Variants in PDE4B observed in about 807,000 individuals in gnomAD.
The protein encoded by PDE4B is 3',5'-cyclic-AMP phosphodiesterase 4B.
PDE4B carries 20 observed loss-of-function variants against 82.2 expected under a neutral mutation model. The observed-to-expected ratio is 0.24, with a 90% CI of 0.17 to 0.35. The LOEUF is 0.35. PDE4B is among the 10% of genes least tolerant of loss of function. The pLI is 1.00. For synonymous variants in PDE4B, 320 were observed against 318.9 expected (o/e 1.00, Z -0.04); for missense variants, 655 against 907.2 (o/e 0.72, Z 3.57).
At chr1:66,088,889 T>C (rs1644954175) in intron 3 of PDE4B, among the ~76,000 whole-genome samples, 1 of 152,126 alleles carries the variant, frequency 6.6e-6, no homozygotes. Flanking sequence ...ATTCATCACA[T>C]CCTTTTTTTC....
chr1:66,299,532 C>G (rs549531467), intron 7 of PDE4B, among the ~76,000 whole-genome samples: 1 of 152,208 alleles, frequency 6.6e-6, no homozygotes, highest in African/African-American at 2.4e-5. Flanking sequence ...ACGTGGGGTG[C>G]AGATATCTCT....
rs779098232 is a variant in PDE4B, at chr1:66,341,765, G to A, written c.747+9145G>A. ...GATTGTTAAGCCTTGGGTTCTCTCTGCCACTTTGCAGAGCTGTTAGCATGG... is the reference window on the plus strand; with the variant it reads ...GATTGTTAAGCCTTGGGTTCTCTCTACCACTTTGCAGAGCTGTTAGCATGG... On this transcript the variant is annotated intron_variant, in intron 8 of 16. Coordinates refer to ENST00000341517, the MANE Select transcript of PDE4B (RefSeq NM_002600.4). Among the ~76,000 whole-genome samples, 3 of 152,160 alleles carry A rather than the reference G, an allele frequency of 2.0e-5. No homozygotes were observed. In the South Asian group the frequency reaches 6.2e-4, roughly 31 times the overall value.
chr1:65,961,138 A>C (rs1490932585), intron 3 of PDE4B, among the ~76,000 whole-genome samples: 1 of 152,184 alleles, frequency 6.6e-6, no homozygotes, highest in Non-Finnish European at 1.5e-5. Flanking sequence ...TTTCATAATA[A>C]TATAGAGAAA....
chr1:65,913,488 G>A, intron 2 of PDE4B, 132 bp downstream of exon 2: 1 of 782,872 alleles, frequency 1.3e-6, no homozygotes, highest in Non-Finnish European at 2.2e-6. Flanking sequence ...CATGGGCACA[G>A]CCAGCACCTG....
intron 3 of PDE4B, among the ~76,000 whole-genome samples, chr1:66,161,498 G>T (rs1482833049): frequency 1.3e-5 from 2 of 151,752 alleles, no homozygotes; most frequent in East Asian, 3.9e-4. Flanking sequence ...TTTTCCACAG[G>T]TGCTCTAATT....
At chr1:66,239,466 T>C (rs1476761901) in intron 3 of PDE4B, among the ~76,000 whole-genome samples, 1 of 152,220 alleles carries the variant, frequency 6.6e-6, no homozygotes, top group African/African-American at 2.4e-5. Flanking sequence ...TTTTAGTAGA[T>C]AAAAGTTTGA....
intron 1 of PDE4B, among the ~76,000 whole-genome samples, chr1:65,867,207 A>T (rs1452853021): frequency 1.3e-5 from 2 of 152,190 alleles, no homozygotes; most frequent in Non-Finnish European, 2.9e-5. Context: ...CCTTAGGAAC[A>T]CAAAGGGACA....
chr1:66,365,741 C>T lies in PDE4B; in HGVS notation c.1359C>T (p.Val453=). The T allele has an allele frequency of 1.3e-6, 2 of 1,599,164 alleles. No homozygotes were observed. The highest frequency in any genetic ancestry group is 1.7e-6 in the Non-Finnish European group (2 of 1,168,344). The stretch of plus-strand genomic sequence containing the variant: ...TCCATGACGTTGATCATCCTGGAGT[C>T]TCCAATCAGTTTCTCATCAACACAA... The part of the protein sequence containing the change: ...AAIHDVDHPG[V]SNQFLINTNS... Residue 453 remains valine, a synonymous_variant, in exon 13 of 17, where the codon GTC becomes GTT. Transcript: ENST00000341517.
intron 3 of PDE4B, among the ~76,000 whole-genome samples, chr1:66,131,098 T>C (rs1226525322): frequency 6.6e-6 from 1 of 152,174 alleles, no homozygotes; most frequent in Non-Finnish European, 1.5e-5. Context: ...GTTTAATTTT[T>C]CAATTTCAGG....
chr1:65,864,817 C>G (rs915587379), intron 1 of PDE4B, among the ~76,000 whole-genome samples: 6 of 152,196 alleles, frequency 3.9e-5, no homozygotes, highest in Admixed American at 6.5e-5. Context: ...GTTGGGAGGT[C>G]TCTCCCAGTT....
chr1:66,185,076 G>C (rs1334688694), intron 3 of PDE4B, among the ~76,000 whole-genome samples: 10 of 152,104 alleles, frequency 6.6e-5, no homozygotes, highest in African/African-American at 2.4e-4. Context: ...ACCTATAAGT[G>C]AGAACATGCG....
rs76839592 is a variant in PDE4B, at chr1:66,132,150, C to G, written c.282-115310C>G. Among the ~76,000 whole-genome samples, 664 of 152,202 alleles carry G rather than the reference C, an allele frequency of 4.4e-3. 24 individuals are homozygous for G. In the East Asian group the frequency reaches 0.086, roughly 20 times the overall value. On this transcript the variant is annotated intron_variant, in intron 3 of 16. Coordinates refer to ENST00000341517, the MANE Select transcript of PDE4B (RefSeq NM_002600.4). ...GTTCTGAACAATAGAATGACATGAT[C>G]CTTTTTTTATAAGATCATTCTGACT...
At chr1:66,289,793 T>C (rs1459384221) in intron 7 of PDE4B, among the ~76,000 whole-genome samples, 2 of 152,082 alleles carry the variant, frequency 1.3e-5, no homozygotes, top group Non-Finnish European at 2.9e-5. Flanking sequence ...GAGGGGAATG[T>C]TGAAGAAGTC....
chr1:66,107,187 T>C (rs559477825), intron 3 of PDE4B, among the ~76,000 whole-genome samples: 5 of 152,080 alleles, frequency 3.3e-5, no homozygotes, highest in East Asian at 1.9e-4. Context: ...GCCTTCATTT[T>C]GTTATGTACC....
chr1:65,834,019 G>C (rs538600843), intron 1 of PDE4B, among the ~76,000 whole-genome samples: 67 of 152,198 alleles, frequency 4.4e-4, no homozygotes, highest in South Asian at 3.7e-3. Context: ...CTATGACACT[G>C]AGTTTCTTTA....
chr1:66,085,325 A>G (rs1656951555), intron 3 of PDE4B, among the ~76,000 whole-genome samples: 1 of 152,174 alleles, frequency 6.6e-6, no homozygotes, highest in Admixed American at 6.5e-5. Flanking sequence ...ACTTGAAGCT[A>G]ACATTGGACA....
intron 1 of PDE4B, among the ~76,000 whole-genome samples, chr1:65,906,633 T>A (rs951449352): frequency 6.6e-6 from 1 of 152,036 alleles, no homozygotes; most frequent in African/African-American, 2.4e-5. Context: ...AGCAGAAACA[T>A]GGGGTTAGTT....
At chr1:66,126,430 CT>C (rs1040986324) in intron 3 of PDE4B, among the ~76,000 whole-genome samples, 30 of 152,196 alleles carry the variant, frequency 2.0e-4, no homozygotes, top group African/African-American at 7.2e-4. Flanking sequence ...CATTTTTAAA[CT>C]TTAAACTTCT....
At chr1:65,827,635 G>A (rs1339644296) in intron 1 of PDE4B, among the ~76,000 whole-genome samples, 2 of 152,142 alleles carry the variant, frequency 1.3e-5, no homozygotes, top group Non-Finnish European at 2.9e-5. Context: ...GAAGATCAGA[G>A]CATCCAAGAG....
Sources: gnomAD v4.1 joint callset for allele counts (sites outside exome capture counted in the v4.1 genomes callset) on GRCh38, gnomAD v4.1.1 for gene constraint, MANE v1.5 for transcripts, NCBI Gene and HGNC (gene_info 2026-07-23, HGNC 2026-07-21) for gene names.